The following ATP10B variants were observed in gnomAD, a reference collection of about 807,000 sequenced individuals.
ATP10B encodes the protein ATPase phospholipid transporting 10B (putative), also known as phospholipid-transporting ATPase VB.
In ATP10B, 122 loss-of-function variants were observed where a neutral mutation model predicts 141.2. The observed-to-expected ratio is 0.86, with a 90% CI of 0.75 to 1.00. The LOEUF (loss-of-function observed/expected upper bound fraction) is 1.00. ATP10B is among the 50% of genes least tolerant of loss of function. The probability of loss-of-function intolerance (pLI) is 0.00; values close to 1 mark genes in which losing one functional copy is unlikely to be tolerated. For missense variants in ATP10B, 1,876 were observed against 1,825.3 expected (o/e 1.03, Z -0.51); for synonymous variants, 685 against 692.0 (o/e 0.99, Z 0.16).
Position 160,606,927 on chromosome 5 carries a change from C to T in ATP10B, c.2998G>A (p.Gly1000Arg). 1.2e-6 allele frequency: 2 copies of T among 1,614,142 alleles called. No individual in the cohort carries two copies. The highest frequency in any genetic ancestry group is 1.7e-6 in the Non-Finnish European group (2 of 1,180,006). ...VVPEAGLVID[G>R]KTLNAIFQGK... is the part of the protein sequence containing the mutation. ...TGGAAGATGGCATTCAATGTCTTCC[C>T]ATCGATGACCAATCCAGCTTCTGGA... is the stretch of plus-strand genomic sequence containing the variant. The change falls in exon 19 of 26, where the codon GGG (glycine) becomes AGG (arginine). Residue 1000 changes from glycine to arginine, a missense_variant. Transcript: ENST00000327245.
rs1164935873 is a variant in ATP10B at position 160,565,755 on chromosome 5, C to G, written c.4084G>C (p.Ala1362Pro). Residue 1362 changes from alanine to proline, a missense_variant, in exon 26 of 26, where the codon GCT becomes CCT. By Grantham distance (27) the Ala-to-Pro change is conservative. Transcript: ENST00000327245. ...GACACTGGGTGGTGAGTTGGTCGAG[C>G]CACTTCGGGGACAGGGGCAGGCCTC... ...RQRPAPVPEV[A>P]RPTHHPVSSI... 1 of 1,614,074 alleles carries G rather than the reference C, an allele frequency of 6.2e-7. No homozygotes were observed. The highest frequency in any genetic ancestry group is 1.7e-5 in the Admixed American group (1 of 60,008).
At chr5:160,822,402 C>T (rs77689605) in intron 1 of ATP10B, among the ~76,000 whole-genome samples, 455 of 152,092 alleles carry the variant, frequency 3.0e-3, no homozygotes, top group Non-Finnish European at 5.0e-3. Context: ...AACCCTTGTA[C>T]GCTGTTAGTG....
chr5:160,818,890 A>C (rs144473416), intron 1 of ATP10B, among the ~76,000 whole-genome samples: 1 of 152,170 alleles, frequency 6.6e-6, no homozygotes. Flanking sequence ...TCAGCAAACT[A>C]TTTCAAGGAC....
chr5:160,728,297 G>A (rs772511439), intron 2 of ATP10B, among the ~76,000 whole-genome samples: 6 of 152,082 alleles, frequency 3.9e-5, no homozygotes, highest in Non-Finnish European at 7.4e-5. Flanking sequence ...CCACAGACAT[G>A]TGTGTGGCTT....
chr5:160,588,704 A>G (rs1365014193), intron 24 of ATP10B, among the ~76,000 whole-genome samples: 1 of 152,192 alleles, frequency 6.6e-6, no homozygotes, highest in Non-Finnish European at 1.5e-5. Flanking sequence ...GGAATATAAA[A>G]ACACCTAACA....
intron 2 of ATP10B, among the ~76,000 whole-genome samples, chr5:160,745,159 A>AT (rs1305331935): frequency 2.0e-5 from 3 of 152,302 alleles, no homozygotes; most frequent in African/African-American, 7.2e-5. Context: ...CATTATTGTT[A>AT]TGCCTTAGTA....
chr5:160,685,151 G>T, intron 6 of ATP10B: 1 of 693,444 alleles, frequency 1.4e-6, no homozygotes, highest in South Asian at 1.5e-5. Context: ...CCTTCAAAGA[G>T]CAAGTTAGAG....
chr5:160,867,036 T>C, the ATP10B span, among the ~76,000 whole-genome samples: 1 of 152,158 alleles, frequency 6.6e-6, no homozygotes, highest in African/African-American at 2.4e-5. Flanking sequence ...ATTTATGTCC[T>C]AGTTCCATCA....
chr5:160,736,686 G>A (rs908266690), intron 2 of ATP10B, among the ~76,000 whole-genome samples: 2 of 152,124 alleles, frequency 1.3e-5, no homozygotes, highest in African/African-American at 4.8e-5. Context: ...CTTGAACCTG[G>A]GGGGCAGAGG....
rs771565170 is a variant in ATP10B at position 160,569,476 on chromosome 5, C to T, written c.3938+20G>A. 15 of 1,612,388 alleles carry T rather than the reference C, an allele frequency of 9.3e-6. No individual in the cohort carries two copies. The highest frequency in any genetic ancestry group is 1.3e-5 in the Non-Finnish European group (15 of 1,179,202). ...GAGATTGGTAATTTTAGGAAAGAAA[C>T]ACAGCCCTAGTGCTCAAACCTTGGG... is the stretch of plus-strand genomic sequence containing the variant. On this transcript the variant is annotated intron_variant, in intron 25 of 25. Coordinates refer to ENST00000327245, the MANE Select transcript of ATP10B (RefSeq NM_025153.3).
chr5:160,572,203 T>G (rs1218274951), intron 24 of ATP10B, among the ~76,000 whole-genome samples: 1 of 150,788 alleles, frequency 6.6e-6, no homozygotes, highest in African/African-American at 2.5e-5. Flanking sequence ...TTTTTCCCCT[T>G]TTTTAAAGTT....
In ATP10B at chr5:160,813,180, C is replaced by T. The variant is rs1029782504; in HGVS notation, c.-575-27377G>A. ...GCACCGAGCATGAGCCGAAGCAGGG[C>T]GAGGCATCGCCTCACCCGGGAAGCA... On this transcript the variant is annotated intron_variant, in intron 1 of 25. Transcript: ENST00000327245. 1.1e-4 allele frequency among the ~76,000 whole-genome samples: 16 copies of T among 152,318 alleles called. No homozygotes were observed. The East Asian group carries it at 2.1e-3, about 20-fold the overall frequency.
intron 2 of ATP10B, among the ~76,000 whole-genome samples, chr5:160,728,818 T>G (rs1766539229): frequency 1.0e-5 from 1 of 98,918 alleles, no homozygotes; most frequent in Admixed American, 8.9e-5. Flanking sequence ...TCTCTCAGAA[T>G]GTGTTGTTTT....
intron 17 of ATP10B, among the ~76,000 whole-genome samples, chr5:160,613,332 T>C (rs927875995): frequency 6.6e-6 from 1 of 152,044 alleles, no homozygotes; most frequent in African/African-American, 2.4e-5. Flanking sequence ...TAGAGGAAGA[T>C]GCAGAAATGG....
intron 2 of ATP10B, among the ~76,000 whole-genome samples, chr5:160,724,965 T>C (rs1766233871): frequency 1.3e-5 from 2 of 152,242 alleles, no homozygotes; most frequent in Admixed American, 6.5e-5. Context: ...GCATGTAAAC[T>C]ATATGAAAAC....
chr5:160,805,044 C>T (rs557333238), intron 1 of ATP10B, among the ~76,000 whole-genome samples: 6 of 152,338 alleles, frequency 3.9e-5, no homozygotes, highest in South Asian at 2.1e-4. Context: ...TACATGGACC[C>T]GTGCAGCTCA....
chr5:160,873,654 T>C, the ATP10B span, among the ~76,000 whole-genome samples: 1 of 152,064 alleles, frequency 6.6e-6, no homozygotes, highest in Non-Finnish European at 1.5e-5. Context: ...TGCCAGACAG[T>C]GGACGCAGGT....
chr5:160,690,430 T>C (rs1430155410), intron 3 of ATP10B, among the ~76,000 whole-genome samples: 1 of 152,106 alleles, frequency 6.6e-6, no homozygotes, highest in African/African-American at 2.4e-5. Flanking sequence ...ACCTACAGAA[T>C]GGGAGAAAAT....
intron 18 of ATP10B, among the ~76,000 whole-genome samples, chr5:160,607,404 C>A (rs562691452): frequency 6.6e-6 from 1 of 152,140 alleles, no homozygotes; most frequent in African/African-American, 2.4e-5. Context: ...AATGACAATA[C>A]GTCATGCTGG....
Sources: allele counts gnomAD v4.1 joint callset (sites outside exome capture counted in the v4.1 genomes callset), GRCh38; gene constraint gnomAD v4.1.1; transcripts MANE v1.5; gene names NCBI Gene and HGNC (gene_info 2026-07-23, HGNC 2026-07-21).